COBL: variants seen among roughly 807,000 people sequenced by gnomAD.
COBL encodes cordon-bleu WH2 repeat protein.
Under a neutral mutation model 98.8 loss-of-function variants are expected in COBL, and 51 were observed. The observed-to-expected ratio is 0.52, with a 90% CI of 0.41 to 0.65. The LOEUF is 0.65. COBL is among the 30% of genes least tolerant of loss of function. The pLI, the probability that COBL is intolerant of heterozygous loss-of-function variation, is 0.00. For synonymous variants in COBL, 634 were observed against 651.7 expected, an observed-to-expected ratio of 0.97 and a Z score of 0.41; for missense variants, 1,617 against 1,617.5, an observed-to-expected ratio of 1.00 and a Z score of 0.01.
intron 4 of COBL, among the ~76,000 whole-genome samples, chr7:51,186,080 G>T (rs988027461): frequency 3.9e-5 from 6 of 152,254 alleles, no homozygotes; most frequent in Admixed American, 3.9e-4. Flanking sequence ...GCGCTGTAAA[G>T]TTAGTTGCAG....
At chr7:51,088,354 GA>G (rs1794484729) in intron 6 of COBL, among the ~76,000 whole-genome samples, 1 of 149,632 alleles carries the variant, frequency 6.7e-6, no homozygotes, top group East Asian at 1.9e-4. Context: ...CCCCCTCTTG[GA>G]AATTTTCTCC....
intron 1 of COBL, among the ~76,000 whole-genome samples, chr7:51,312,587 A>G (rs1026912870): frequency 4.0e-4 from 61 of 152,292 alleles, no homozygotes; most frequent in African/African-American, 1.5e-3. Flanking sequence ...GATGCATCCT[A>G]TAATCATTGT....
intron 1 of COBL, among the ~76,000 whole-genome samples, chr7:51,309,234 A>G (rs528668566): frequency 3.3e-5 from 5 of 152,264 alleles, no homozygotes; most frequent in East Asian, 1.9e-4. Context: ...AGGGACTTGT[A>G]TGGCTGGCAG....
chr7:51,284,129 CAAAAAAAAAA>C (rs71021763), intron 1 of COBL, among the ~76,000 whole-genome samples: 34 of 66,242 alleles, frequency 5.1e-4, no homozygotes, highest in African/African-American at 2.2e-3. Flanking sequence ...ACCAAAAATA[CAAAAAAAAAA>C]AAAAAAAAAA....
Position 51,028,508 on chromosome 7 carries a change from G to A in COBL, c.2588C>T (p.Thr863Met), listed in dbSNP as rs749598549. ...EVTFLKPQRR[T>M]SSQYVASAIA... ...GGCAGAGGCCACATACTGGCTGGAC[G>A]TTCTTCTCTGAGGCTTGAGAAATGT... Residue 863 changes from threonine to methionine, a missense_variant, in exon 10 of 13, where the codon ACG becomes ATG. By Grantham distance (81) the Thr-to-Met change is moderately conservative (BLOSUM62 -1). Around this residue, in one of 3 missense-constraint regions of COBL, gnomAD observed 1,304 missense variants for 1,282.0 expected, o/e 1.02. Coordinates refer to ENST00000265136, the MANE Select transcript of COBL (RefSeq NM_015198.5). The A allele has an allele frequency of 4.1e-5, 66 of 1,614,256 alleles. No homozygotes were observed. The East Asian group carries it at 8.2e-4, about 20-fold the overall frequency.
At chr7:51,311,281 G>A (rs755547050) in intron 1 of COBL, among the ~76,000 whole-genome samples, 5 of 152,202 alleles carry the variant, frequency 3.3e-5, no homozygotes, top group Non-Finnish European at 5.9e-5. Context: ...AGAGGGAAGC[G>A]TGCTAACACC....
At chr7:51,254,699 T>C (rs1797045116) in intron 1 of COBL, among the ~76,000 whole-genome samples, 2 of 152,146 alleles carry the variant, frequency 1.3e-5, no homozygotes, top group African/African-American at 2.4e-5. Context: ...TTCTTATGAG[T>C]CCAGCAGCCA....
chr7:51,314,245 G>A (rs545568400), intron 1 of COBL, among the ~76,000 whole-genome samples: 2 of 152,310 alleles, frequency 1.3e-5, no homozygotes, highest in Admixed American at 1.3e-4. Context: ...ACACAAGGAG[G>A]AGTGGTAGTT....
intron 5 of COBL, among the ~76,000 whole-genome samples, chr7:51,164,830 A>C (rs1303478246): frequency 6.6e-6 from 1 of 152,122 alleles, no homozygotes; most frequent in African/African-American, 2.4e-5. Context: ...AGACAGTACA[A>C]TAAGATATAA....
intron 6 of COBL, among the ~76,000 whole-genome samples, 169 bp from the exon 7 acceptor site, chr7:51,085,473 G>A (rs192924127): frequency 5.2e-4 from 79 of 152,312 alleles, no homozygotes; most frequent in Non-Finnish European, 1.0e-3. Context: ...CACACAGGCA[G>A]GGGAGGCCAT....
In COBL at chr7:51,251,347, T is replaced by G. The variant is rs189356563; in HGVS notation, c.42-31403A>C. Among the ~76,000 whole-genome samples the G allele has an allele frequency of 1.2e-4, 19 of 152,344 alleles. No individual in the cohort carries two copies. In the East Asian group the frequency reaches 3.5e-3, roughly 28 times the overall value. ...ATATTCCAGGGGTGAAGGCTGAATG[T>G]TAACAACTTTGTGTTACAGGGAACT... On this transcript the variant is annotated intron_variant, in intron 1 of 12. Coordinates refer to ENST00000265136, the MANE Select transcript of COBL (RefSeq NM_015198.5).
chr7:51,019,783 G>A (rs1015586146), intron 12 of COBL, among the ~76,000 whole-genome samples: 2 of 152,182 alleles, frequency 1.3e-5, no homozygotes, highest in Admixed American at 6.5e-5. Context: ...TTTACATTAC[G>A]AGCAACTAAA....
At chr7:51,102,949 C>G (rs891746222) in intron 6 of COBL, among the ~76,000 whole-genome samples, 1 of 152,202 alleles carries the variant, frequency 6.6e-6, no homozygotes, top group Non-Finnish European at 1.5e-5. Context: ...CAAAGTTCCA[C>G]TGATGCAGGA....
intron 6 of COBL, among the ~76,000 whole-genome samples, chr7:51,124,804 T>TTTTCTTTC (rs142393479): frequency 1.3e-5 from 2 of 152,014 alleles, no homozygotes; most frequent in Admixed American, 1.3e-4. Flanking sequence ...TTCCAATTTT[T>TTTTCTTTC]TTTCTTTCTT....
At chr7:51,263,890 G>A (rs1797939151) in intron 1 of COBL, among the ~76,000 whole-genome samples, 1 of 152,214 alleles carries the variant, frequency 6.6e-6, no homozygotes, top group Non-Finnish European at 1.5e-5. Context: ...TTCAAATGAG[G>A]ACAGGAGATA....
intron 7 of COBL, 63 bp downstream of exon 7, chr7:51,085,103 A>G: frequency 6.2e-7 from 1 of 1,610,176 alleles, no homozygotes; most frequent in Non-Finnish European, 8.5e-7. Flanking sequence ...TTCACATCAG[A>G]GCTGACATTC....
intron 7 of COBL, among the ~76,000 whole-genome samples, chr7:51,078,147 T>C (rs1398238305): frequency 2.0e-5 from 3 of 152,178 alleles, no homozygotes; most frequent in Non-Finnish European, 2.9e-5. Context: ...GTCTGCCAGA[T>C]GGGCCTGGCT....
chr7:51,063,821 A>G (rs1344064917), intron 7 of COBL, among the ~76,000 whole-genome samples: 1 of 152,256 alleles, frequency 6.6e-6, no homozygotes, highest in Non-Finnish European at 1.5e-5. Context: ...GTTGACTCCA[A>G]CCCAGCAGCC....
intron 7 of COBL, chr7:51,064,807 C>G (rs946994253): frequency 1.3e-5 from 3 of 238,770 alleles, no homozygotes; most frequent in African/African-American, 6.7e-5. Context: ...GCAGCTTATT[C>G]AAACAATTTT....
Sources: allele counts gnomAD v4.1 joint callset (sites outside exome capture counted in the v4.1 genomes callset), GRCh38; gene constraint gnomAD v4.1.1; regional missense constraint gnomAD v4.1.1; transcripts MANE v1.5; gene names NCBI Gene and HGNC (gene_info 2026-07-23, HGNC 2026-07-21).